CSMD1: variants seen among roughly 807,000 people sequenced by gnomAD.
The protein encoded by CSMD1 is CUB and Sushi multiple domains 1.
A neutral mutation model predicts 417.5 loss-of-function variants in CSMD1; 213 were observed. That is an observed-to-expected ratio of 0.51 (90% CI 0.46 to 0.57). The LOEUF (loss-of-function observed/expected upper bound fraction) is 0.57. CSMD1 is among the 20% of genes least tolerant of loss of function. The pLI, the probability that CSMD1 is intolerant of heterozygous loss-of-function variation, is 0.00. For missense variants in CSMD1, 6,923 were observed against 4,529.7 expected, an observed-to-expected ratio of 1.53 and a Z score of -15.17; for synonymous variants, 2,862 against 1,736.8, an observed-to-expected ratio of 1.65 and a Z score of -16.11.
chr8:4,889,247 T>C (rs1397868862), intron 1 of CSMD1, among the ~76,000 whole-genome samples: 1 of 152,086 alleles, frequency 6.6e-6, no homozygotes, highest in East Asian at 1.9e-4. Flanking sequence ...AACACAAAAT[T>C]AGTTCTATTA....
chr8:3,306,586 C>T (rs1804869534), intron 25 of CSMD1, among the ~76,000 whole-genome samples: 1 of 151,988 alleles, frequency 6.6e-6, no homozygotes. Context: ...ACGCCTGGGA[C>T]ATGCAGATTA....
chr8:4,407,801 G>A (rs538997822), intron 3 of CSMD1, among the ~76,000 whole-genome samples: 3 of 152,216 alleles, frequency 2.0e-5, no homozygotes, highest in East Asian at 1.9e-4. Flanking sequence ...TCAGTATTGT[G>A]GCATATGAGA....
intron 40 of CSMD1, among the ~76,000 whole-genome samples, chr8:3,146,218 T>C (rs1422640562): frequency 1.3e-5 from 2 of 152,146 alleles, no homozygotes; most frequent in Non-Finnish European, 2.9e-5. Context: ...GACAGAAAGC[T>C]TCATTGCATT....
At chr8:3,955,327 C>G (rs1272307867) in intron 5 of CSMD1, among the ~76,000 whole-genome samples, 2 of 152,194 alleles carry the variant, frequency 1.3e-5, no homozygotes, top group East Asian at 3.9e-4. Context: ...TGGTGAAACT[C>G]CATGTTACGC....
chr8:4,353,919 A>C (rs1220559760), intron 3 of CSMD1, among the ~76,000 whole-genome samples: 1 of 152,170 alleles, frequency 6.6e-6, no homozygotes, highest in Non-Finnish European at 1.5e-5. Context: ...TTTTTACACA[A>C]TGTTCATTTG....
chr8:4,720,806 G>T (rs934306407), intron 1 of CSMD1, among the ~76,000 whole-genome samples: 3 of 152,098 alleles, frequency 2.0e-5, no homozygotes, highest in East Asian at 1.9e-4. Context: ...TCCATCTAAA[G>T]ATCAACAACG....
At chr8:3,581,579 C>T (rs1000720517) in intron 9 of CSMD1, among the ~76,000 whole-genome samples, 4 of 152,144 alleles carry the variant, frequency 2.6e-5, no homozygotes, top group Non-Finnish European at 5.9e-5. Context: ...TTCAGAGTTA[C>T]AGTCCCTTCA....
At chr8:4,644,406 C>A (rs183858668) in intron 1 of CSMD1, among the ~76,000 whole-genome samples, 2 of 87,240 alleles carry the variant, frequency 2.3e-5, no homozygotes, top group South Asian at 5.9e-4. Flanking sequence ...TACATGCTAC[C>A]CTTTGCCCTA....
chr8:3,161,742 C>A (rs1461700318), intron 38 of CSMD1, among the ~76,000 whole-genome samples: 1 of 151,768 alleles, frequency 6.6e-6, no homozygotes, highest in Non-Finnish European at 1.5e-5. Flanking sequence ...GCCTTATCTA[C>A]CTAGCCCAAA....
At chr8:4,339,724 G>C in intron 3 of CSMD1, among the ~76,000 whole-genome samples, 1 of 152,044 alleles carries the variant, frequency 6.6e-6, no homozygotes, top group Non-Finnish European at 1.5e-5. Context: ...GAAAGAGGAC[G>C]GTATACGAAG....
chr8:3,562,566 C>T (rs1355778151), intron 10 of CSMD1, among the ~76,000 whole-genome samples: 1 of 152,094 alleles, frequency 6.6e-6, no homozygotes, highest in Non-Finnish European at 1.5e-5. Flanking sequence ...ACTTAAAACT[C>T]TCCCTTAATA....
chr8:3,291,154 C>CT (rs1197487606), intron 25 of CSMD1, among the ~76,000 whole-genome samples: 2 of 152,190 alleles, frequency 1.3e-5, no homozygotes, highest in Middle Eastern at 3.2e-3. Flanking sequence ...TTGAAGCAGC[C>CT]TTGCATCCCA....
intron 5 of CSMD1, among the ~76,000 whole-genome samples, chr8:3,786,628 T>A (rs543300505): frequency 1.2e-4 from 18 of 152,274 alleles, no homozygotes; most frequent in African/African-American, 4.3e-4. Flanking sequence ...TGCTTAAATC[T>A]AGCATCTTAG....
chr8:3,752,589 G>A (rs893687439), intron 6 of CSMD1, among the ~76,000 whole-genome samples: 9 of 148,312 alleles, frequency 6.1e-5, no homozygotes, highest in African/African-American at 2.2e-4. Context: ...AGGAGGTGGA[G>A]GTTGCAGTGA....
chr8:3,833,212 T>A (rs1015299660), intron 5 of CSMD1, among the ~76,000 whole-genome samples: 1 of 152,158 alleles, frequency 6.6e-6, no homozygotes, highest in South Asian at 2.1e-4. Context: ...TCAAGAATTT[T>A]TTTGTCCGTA....
At chr8:3,820,617 C>A (rs935094301) in intron 5 of CSMD1, among the ~76,000 whole-genome samples, 1 of 152,178 alleles carries the variant, frequency 6.6e-6, no homozygotes. Context: ...GCTCTCTTGT[C>A]CAAGTTGGAG....
intron 3 of CSMD1, among the ~76,000 whole-genome samples, chr8:4,156,194 T>C (rs1450556540): frequency 6.6e-6 from 1 of 152,160 alleles, no homozygotes; most frequent in Admixed American, 6.5e-5. Flanking sequence ...AGGTTTCATA[T>C]CTGGACTGGG....
chr8:3,460,917 C>T (rs1333310898), intron 12 of CSMD1, among the ~76,000 whole-genome samples: 2 of 151,968 alleles, frequency 1.3e-5, no homozygotes, highest in Non-Finnish European at 2.9e-5. Context: ...ACTTGTGGTC[C>T]CAAGAATAGA....
chr8:4,182,828 G>T lies in CSMD1; in HGVS notation c.416-150729C>A, dbSNP rs951032005. Among the ~76,000 whole-genome samples the T allele has an allele frequency of 2.1e-4, 32 of 152,160 alleles. 1 individual carries two copies. Among genetic ancestry groups the T allele is most frequent in the African/African-American group, 6.7e-4 (28 of 41,514 alleles). Reference sequence around the variant, plus strand: ...TCAAGTTAAAACATGCAATTATAAGGGTCATTCTAATTATTGAGACAGAAA... The same window carrying T: ...TCAAGTTAAAACATGCAATTATAAGTGTCATTCTAATTATTGAGACAGAAA... On this transcript the variant is annotated intron_variant, in intron 3 of 69. Transcript: ENST00000635120.
Sources: gnomAD v4.1 joint callset for allele counts (sites outside exome capture counted in the v4.1 genomes callset) on GRCh38, gnomAD v4.1.1 for gene constraint, MANE v1.5 for transcripts, NCBI Gene and HGNC (gene_info 2026-07-23, HGNC 2026-07-21) for gene names.